Variants in BLOC1S5 observed in about 807,000 individuals in gnomAD.
BLOC1S5 encodes biogenesis of lysosomal organelles complex 1 subunit 5.
In BLOC1S5, 27 loss-of-function variants were observed where a neutral mutation model predicts 24.3. The observed-to-expected ratio is 1.11, with a 90% CI of 0.82 to 1.53. The LOEUF (loss-of-function observed/expected upper bound fraction) is 1.53, where lower values mean the gene tolerates loss of function less well. BLOC1S5 is among the 40% of genes most tolerant of loss of function. BLOC1S5 has a pLI of 0.00. For missense variants in BLOC1S5, 239 were observed against 229.4 expected (o/e 1.04, Z -0.27); for synonymous variants, 84 against 74.5 (o/e 1.13, Z -0.66).
At chr6:8,030,878 T>A (rs199996644) in intron 3 of BLOC1S5, among the ~76,000 whole-genome samples, 119 of 72,916 alleles carry the variant, frequency 1.6e-3, no homozygotes, top group East Asian at 7.5e-3. Context: ...AAAAAAAAAA[T>A]CACATGATCA....
intron 3 of BLOC1S5, among the ~76,000 whole-genome samples, chr6:8,040,196 G>C (rs894596953): frequency 2.0e-5 from 3 of 152,124 alleles, no homozygotes; most frequent in African/African-American, 7.2e-5. Context: ...AATTATTATT[G>C]GAGAATCTAG....
chr6:8,020,250 G>C (rs570615326), intron 4 of BLOC1S5, among the ~76,000 whole-genome samples: 14 of 152,192 alleles, frequency 9.2e-5, no homozygotes, highest in Non-Finnish European at 1.6e-4. Flanking sequence ...CTCCATTAAG[G>C]AGATGCCCCT....
chr6:8,045,007 C>G (rs1039798684), intron 2 of BLOC1S5, among the ~76,000 whole-genome samples: 1 of 152,214 alleles, frequency 6.6e-6, no homozygotes. Context: ...TGTCAATCCC[C>G]AAGACAATGG....
chr6:8,049,823 C>T (rs766737225), intron 2 of BLOC1S5, among the ~76,000 whole-genome samples: 5 of 151,956 alleles, frequency 3.3e-5, no homozygotes, highest in African/African-American at 9.7e-5. Flanking sequence ...GCGATCCTCC[C>T]GCCTCAGCCC....
rs953605465 is a variant in BLOC1S5 at position 8,049,010 on chromosome 6, AAAAG to A, written c.196-7746_196-7743del. ...GCCTAGGTGAAAGAGACTCCGCCTC[AAAAG>A]AAAGAAAAGAAAGGAAAGAAAGAAG... is the stretch of plus-strand genomic sequence containing the variant. On this transcript the variant is annotated intron_variant, in intron 2 of 4. Coordinates refer to ENST00000397457, the MANE Select transcript of BLOC1S5 (RefSeq NM_201280.3). 2.3e-4 allele frequency among the ~76,000 whole-genome samples: 13 copies of A among 55,858 alleles called. No individual in the cohort carries two copies. The South Asian group carries it at 0.015, about 67-fold the overall frequency. The allele number at this position is 55,858 out of a possible 152,430, so 36.6% of individuals were successfully genotyped here.
At chr6:8,029,163 A>C (rs1427904982) in intron 3 of BLOC1S5, among the ~76,000 whole-genome samples, 1 of 152,260 alleles carries the variant, frequency 6.6e-6, no homozygotes, top group East Asian at 1.9e-4. Context: ...TTGCAGTTCC[A>C]AAATGCGGAT....
At chr6:8,052,097 G>C (rs1286849362) in intron 2 of BLOC1S5, among the ~76,000 whole-genome samples, 1 of 150,570 alleles carries the variant, frequency 6.6e-6, no homozygotes, top group Non-Finnish European at 1.5e-5. Context: ...CTCCCAAGTA[G>C]CTGGGATTAC....
intron 4 of BLOC1S5, among the ~76,000 whole-genome samples, chr6:8,017,385 AACACACAC>A (rs59166291): frequency 6.7e-6 from 1 of 149,520 alleles, no homozygotes; most frequent in African/African-American, 2.5e-5. Flanking sequence ...CTCAAAAACA[AACACACAC>A]ACACACACAC....
chr6:8,047,969 T>C (rs1345548891), intron 2 of BLOC1S5, among the ~76,000 whole-genome samples: 2 of 152,218 alleles, frequency 1.3e-5, no homozygotes, highest in Non-Finnish European at 2.9e-5. Context: ...TTCTCCCGTA[T>C]TTACCAGTTT....
At chr6:8,025,363 C>T (rs910699929) in intron 4 of BLOC1S5, among the ~76,000 whole-genome samples, 18 of 152,214 alleles carry the variant, frequency 1.2e-4, no homozygotes, top group African/African-American at 3.1e-4. Context: ...ACTCTCTGCA[C>T]GCTGTGCAAG....
At chr6:8,064,399 C>T, upstream of BLOC1S5, 1 of 1,593,180 alleles carries the variant, frequency 6.3e-7, no homozygotes, top group South Asian at 1.1e-5. Context: ...CGCCCACCCG[C>T]GGCCACGCTG....
intron 3 of BLOC1S5, among the ~76,000 whole-genome samples, chr6:8,032,305 GA>G (rs1395098662): frequency 6.6e-6 from 1 of 152,014 alleles, no homozygotes; most frequent in Non-Finnish European, 1.5e-5. Context: ...CTAAGGATGT[GA>G]ATAGACAATT....
rs144221198 is a variant in BLOC1S5, at chr6:8,064,353, G to T, written c.24C>A (p.Thr8=). The T allele has an allele frequency of 1.6e-5, 25 of 1,611,676 alleles. No individual in the cohort carries two copies. The highest frequency in any genetic ancestry group is 4.0e-5 in the African/African-American group (3 of 74,916). ...CCGGGGCGGCCTCACAACCCACAGG[G>T]GTCTCTGTCCCTCCGCCACTCATCC... The part of the protein sequence containing the change: MSGGGTE[T]PVGCEAAPGG... Residue 8 remains threonine (T), a synonymous_variant, in exon 1 of 5, where the codon ACC becomes ACA. Coordinates refer to ENST00000397457, the MANE Select transcript of BLOC1S5 (RefSeq NM_201280.3).
intron 1 of BLOC1S5, among the ~76,000 whole-genome samples, chr6:8,063,983 T>C (rs1337905559): frequency 6.6e-6 from 1 of 152,150 alleles, no homozygotes; most frequent in Non-Finnish European, 1.5e-5. Flanking sequence ...GCCCAAAGGC[T>C]CTGCGCCCAG....
In BLOC1S5 at chr6:8,039,004, TTA is replaced by T. The variant is rs1561862875; in HGVS notation, c.325+2133_325+2134del. ...AAGAAAAGGAGAGAGACATCTGCAC[TTA>T]CGTGTTTATTGAAGCACTAGCCAAA... On this transcript the variant is annotated intron_variant, in intron 3 of 4. Coordinates refer to ENST00000397457, the MANE Select transcript of BLOC1S5 (RefSeq NM_201280.3). 4.6e-5 allele frequency among the ~76,000 whole-genome samples: 7 copies of T among 152,320 alleles called. No homozygotes were observed. In the East Asian group the frequency reaches 1.3e-3, roughly 29 times the overall value.
At chr6:8,052,971 G>A (rs1764175051) in intron 2 of BLOC1S5, among the ~76,000 whole-genome samples, 1 of 152,004 alleles carries the variant, frequency 6.6e-6, no homozygotes, top group African/African-American at 2.4e-5. Context: ...GAACAGATGA[G>A]GATCTGCTTC....
At chr6:8,018,418 T>C (rs1413439884) in intron 4 of BLOC1S5, among the ~76,000 whole-genome samples, 2 of 152,248 alleles carry the variant, frequency 1.3e-5, no homozygotes, top group Non-Finnish European at 2.9e-5. Context: ...GTTATTTAAT[T>C]TGTTCATTTC....
At chr6:8,041,816 T>C (rs1253713903) in intron 2 of BLOC1S5, 1 of 151,336 alleles carries the variant, frequency 6.6e-6, no homozygotes, top group Non-Finnish European at 1.5e-5. Flanking sequence ...CCGGCTAATT[T>C]TGTATATATT....
intron 3 of BLOC1S5, among the ~76,000 whole-genome samples, chr6:8,033,272 A>G (rs991315895): frequency 5.3e-5 from 8 of 152,244 alleles, no homozygotes; most frequent in African/African-American, 1.9e-4. Flanking sequence ...ACTGGTACCA[A>G]AACAGATATA....
Sources: allele counts gnomAD v4.1 joint callset (sites outside exome capture counted in the v4.1 genomes callset), GRCh38; gene constraint gnomAD v4.1.1; transcripts MANE v1.5; gene names NCBI Gene and HGNC (gene_info 2026-07-23, HGNC 2026-07-21).